Variants in MBNL2 observed in about 807,000 individuals in gnomAD.
MBNL2 encodes the protein muscleblind-like protein 2.
Under a neutral mutation model 41.9 loss-of-function variants are expected in MBNL2, and 17 were observed. The ratio of observed to expected loss-of-function variants is 0.41; its 90% CI spans 0.28 to 0.61. The LOEUF (loss-of-function observed/expected upper bound fraction) is 0.61, where lower values mean the gene tolerates loss of function less well. Ranked by LOEUF, MBNL2 falls within the 20% of genes least tolerant of loss-of-function variation. The pLI is 0.35. For synonymous variants in MBNL2, 195 were observed against 182.9 expected (o/e 1.07, Z -0.53); for missense variants, 336 against 505.6 (o/e 0.66, Z 3.22).
intron 2 of MBNL2, among the ~76,000 whole-genome samples, chr13:97,307,934 T>C (rs2153014295): frequency 6.6e-6 from 1 of 152,318 alleles, no homozygotes; most frequent in Non-Finnish European, 1.5e-5. Flanking sequence ...TAAATAACAG[T>C]CAATGATGAG....
chr13:97,348,838 C>T (rs2062144844), intron 5 of MBNL2, among the ~76,000 whole-genome samples: 1 of 152,212 alleles, frequency 6.6e-6, no homozygotes, highest in South Asian at 2.1e-4. Flanking sequence ...GTAGCTGTCA[C>T]ACAAACAAGT....
the MBNL2 span, among the ~76,000 whole-genome samples, chr13:97,205,603 C>G: frequency 6.6e-6 from 1 of 152,052 alleles, no homozygotes; most frequent in African/African-American, 2.4e-5. Flanking sequence ...TTGGATTACA[C>G]CTTAGATCAA....
chr13:97,197,212 TTG>T, the MBNL2 span, among the ~76,000 whole-genome samples: 1 of 152,328 alleles, frequency 6.6e-6, no homozygotes, highest in South Asian at 2.1e-4. Context: ...TGTCTTGATA[TTG>T]TGTTTCTATT....
At chr13:97,142,622 T>C in the MBNL2 span, among the ~76,000 whole-genome samples, 1 of 152,352 alleles carries the variant, frequency 6.6e-6, no homozygotes, top group East Asian at 1.9e-4. Flanking sequence ...GCATTGGTCA[T>C]GCACGCCTCC....
chr13:97,390,816 C>G (rs1594306378), intron 8 of MBNL2, among the ~76,000 whole-genome samples: 3 of 152,214 alleles, frequency 2.0e-5, no homozygotes, highest in African/African-American at 7.2e-5. Flanking sequence ...AACAAAATTA[C>G]TTTTGATGGG....
At chr13:97,384,926 C>G (rs1215703119) in intron 8 of MBNL2, among the ~76,000 whole-genome samples, 5 of 152,042 alleles carry the variant, frequency 3.3e-5, no homozygotes, top group Non-Finnish European at 5.9e-5. Context: ...ATATTTTCCC[C>G]TTTATCTATA....
rs111924121 is a variant in MBNL2, at chr13:97,320,638, G to T, written c.175-13638G>T. Among the ~76,000 whole-genome samples, 239 of 152,158 alleles carry T rather than the reference G, an allele frequency of 1.6e-3. 4 individuals are homozygous for T. The highest frequency in any genetic ancestry group is 5.5e-3 in the African/African-American group (230 of 41,542). ...CTTAAAGATGGCCATCTTCGGCCACGCAGGGTGGCTCATGCCTATAATCCC... is the reference window on the plus strand; with the variant it reads ...CTTAAAGATGGCCATCTTCGGCCACTCAGGGTGGCTCATGCCTATAATCCC... On this transcript the variant is annotated intron_variant, in intron 2 of 8. Transcript: ENST00000679496.
At chr13:97,200,250 G>A in the MBNL2 span, among the ~76,000 whole-genome samples, 16 of 152,280 alleles carry the variant, frequency 1.1e-4, no homozygotes, top group South Asian at 1.5e-3. Context: ...TTGGAGGAGC[G>A]GTCAGTTGAA....
intron 8 of MBNL2, among the ~76,000 whole-genome samples, chr13:97,390,330 C>T (rs1317479467): frequency 2.0e-5 from 3 of 152,156 alleles, no homozygotes; most frequent in Admixed American, 6.5e-5. Context: ...CAGGATAATA[C>T]AGTATGCTTA....
rs11616713 is a variant in MBNL2, at chr13:97,230,703, T to C, written c.-605+8172T>C. Reference sequence around the variant, plus strand: ...TTTAAAAAATGAACAACCAATACTATTAAGCACCATAGCCTAATCTCCAGG... The same window carrying C: ...TTTAAAAAATGAACAACCAATACTACTAAGCACCATAGCCTAATCTCCAGG... On this transcript the variant is annotated intron_variant, in intron 1 of 8. Coordinates refer to ENST00000679496, the MANE Select transcript of MBNL2 (RefSeq NM_001382683.1). Among the ~76,000 whole-genome samples the C allele has an allele frequency of 7.2e-3, 1,095 of 152,314 alleles. 8 individuals carry two copies. Among genetic ancestry groups the C allele is most frequent in the Non-Finnish European group, 0.011 (739 of 68,030 alleles).
intron 2 of MBNL2, among the ~76,000 whole-genome samples, chr13:97,333,286 A>G (rs1433849897): frequency 6.6e-6 from 1 of 152,162 alleles, no homozygotes; most frequent in East Asian, 1.9e-4. Flanking sequence ...AATTCTTTCA[A>G]TTGGTAGTTT....
chr13:97,182,609 C>T, the MBNL2 span, among the ~76,000 whole-genome samples: 11 of 152,212 alleles, frequency 7.2e-5, no homozygotes, highest in East Asian at 5.8e-4. Flanking sequence ...GGTAAGACTT[C>T]GGGTTATCTT....
chr13:97,197,173 A>G, the MBNL2 span, among the ~76,000 whole-genome samples: 6 of 152,214 alleles, frequency 3.9e-5, no homozygotes, highest in African/African-American at 1.2e-4. Flanking sequence ...TGAAGTAACA[A>G]ATGCACTTTA....
chr13:97,241,816 A>C (rs2044336315), intron 1 of MBNL2, among the ~76,000 whole-genome samples: 1 of 152,130 alleles, frequency 6.6e-6, no homozygotes, highest in Non-Finnish European at 1.5e-5. Context: ...GGGCCATCAG[A>C]GTTAGGCGAG....
intron 2 of MBNL2, among the ~76,000 whole-genome samples, chr13:97,315,739 G>A (rs1375325056): frequency 2.0e-5 from 3 of 152,164 alleles, no homozygotes; most frequent in African/African-American, 7.2e-5. Flanking sequence ...AGAAAGCAGG[G>A]CTTGGACTGG....
intron 5 of MBNL2, among the ~76,000 whole-genome samples, chr13:97,355,768 T>C (rs528620213): frequency 6.6e-6 from 1 of 152,334 alleles, no homozygotes; most frequent in Non-Finnish European, 1.5e-5. Context: ...TTTCAAGCAG[T>C]TCTTTGCTAT....
chr13:97,259,419 G>A (rs957755831), intron 1 of MBNL2, among the ~76,000 whole-genome samples: 2 of 152,166 alleles, frequency 1.3e-5, no homozygotes, highest in African/African-American at 4.8e-5. Context: ...GACTCCTCAA[G>A]GCGCTGAGTG....
the MBNL2 span, among the ~76,000 whole-genome samples, chr13:97,163,047 G>A: frequency 6.6e-6 from 1 of 152,122 alleles, no homozygotes; most frequent in Non-Finnish European, 1.5e-5. Flanking sequence ...AGAGTGATGG[G>A]ATTTGTAGAC....
At chr13:97,342,469 C>T (rs1281626248) in intron 3 of MBNL2, among the ~76,000 whole-genome samples, 1 of 152,176 alleles carries the variant, frequency 6.6e-6, no homozygotes, top group African/African-American at 2.4e-5. Context: ...TATTTGAAAA[C>T]TACATTTGAA....
Sources: allele counts gnomAD v4.1 joint callset (sites outside exome capture counted in the v4.1 genomes callset), GRCh38; gene constraint gnomAD v4.1.1; transcripts MANE v1.5; gene names NCBI Gene and HGNC (gene_info 2026-07-23, HGNC 2026-07-21).